FAM186A: variants seen among roughly 807,000 people sequenced by gnomAD.
FAM186A encodes the protein family with sequence similarity 186 member A, also known as protein FAM186A.
In FAM186A, 163 loss-of-function variants were observed where a neutral mutation model predicts 216.8. The ratio of observed to expected loss-of-function variants is 0.75; its 90% confidence interval spans 0.66 to 0.86. FAM186A has a LOEUF of 0.86. FAM186A is among the 40% of genes least tolerant of loss of function. The pLI is 0.00. For synonymous variants in FAM186A, 805 were observed against 1,025.3 expected (o/e 0.79, Z 4.10); for missense variants, 2,184 against 2,746.2 (o/e 0.80, Z 4.58).
chr12:50,381,141 C>G (rs1282101744), intron 1 of FAM186A, among the ~76,000 whole-genome samples: 1 of 152,212 alleles, frequency 6.6e-6, no homozygotes, highest in Non-Finnish European at 1.5e-5. Flanking sequence ...TAGGGAGTTT[C>G]TAGGTCTGGG....
intron 7 of FAM186A, 91 bp from the exon 8 acceptor site, chr12:50,327,495 C>T: frequency 1.1e-6 from 1 of 899,984 alleles, no homozygotes; most frequent in Non-Finnish European, 1.7e-6. Context: ...AATAAAAGTG[C>T]CTCCAGAACT....
Position 50,328,362 on chromosome 12 carries a change from C to T in FAM186A, c.7035-958G>A, listed in dbSNP as rs75690353. ...GCACTCTAGCCTGAATGACAGAGCA[C>T]GACCACGTCTCTAAAAACAAACAAA... On this transcript the variant is annotated intron_variant, in intron 7 of 7. Coordinates refer to ENST00000327337, the MANE Select transcript of FAM186A (RefSeq NM_001145475.3). 7.8e-3 allele frequency among the ~76,000 whole-genome samples: 1,180 copies of T among 152,142 alleles called. 13 individuals carry two copies. The highest frequency in any genetic ancestry group is 0.026 in the African/African-American group (1,081 of 41,506).
chr12:50,337,289 CTTTTTTT>C (rs71441358), intron 4 of FAM186A, among the ~76,000 whole-genome samples: 1 of 69,668 alleles, frequency 1.4e-5, no homozygotes, highest in Non-Finnish European at 2.7e-5. Context: ...AGAGATAATT[CTTTTTTT>C]TTTTTTTTTT....
intron 3 of FAM186A, among the ~76,000 whole-genome samples, chr12:50,357,924 G>A (rs1177807757): frequency 6.6e-6 from 1 of 152,060 alleles, no homozygotes; most frequent in Non-Finnish European, 1.5e-5. Flanking sequence ...ATTGCAGTGA[G>A]TCGAGATCAC....
intron 1 of FAM186A, among the ~76,000 whole-genome samples, chr12:50,367,431 T>C (rs539968060): frequency 2.7e-4 from 38 of 143,006 alleles, no homozygotes; most frequent in Admixed American, 1.6e-3. Context: ...GGCAGGAGAA[T>C]GGCGTGAACC....
intron 1 of FAM186A, among the ~76,000 whole-genome samples, chr12:50,379,188 C>T (rs887441227): frequency 6.6e-6 from 1 of 152,074 alleles, no homozygotes; most frequent in Non-Finnish European, 1.5e-5. Flanking sequence ...CGCCTGTAAT[C>T]CCAGCACTTT....
At chr12:50,392,159 G>C (rs1250283194) in intron 1 of FAM186A, among the ~76,000 whole-genome samples, 1 of 149,860 alleles carries the variant, frequency 6.7e-6, no homozygotes, top group Non-Finnish European at 1.5e-5. Context: ...GGGGGGCAGG[G>C]AACAGCATGT....
intron 4 of FAM186A, among the ~76,000 whole-genome samples, chr12:50,347,674 A>G (rs527296024): frequency 1.0e-5 from 1 of 96,068 alleles, no homozygotes; most frequent in East Asian, 3.7e-4. Context: ...GGGAGACTCC[A>G]TCTCAAAAAA....
At chr12:50,384,057 G>T (rs1424490760) in intron 1 of FAM186A, among the ~76,000 whole-genome samples, 1 of 152,070 alleles carries the variant, frequency 6.6e-6, no homozygotes, top group Non-Finnish European at 1.5e-5. Context: ...TGTGGAGGTT[G>T]CAGTGAGTTG....
At chr12:50,329,933 A>C (rs1047429369) in intron 7 of FAM186A, among the ~76,000 whole-genome samples, 1 of 152,214 alleles carries the variant, frequency 6.6e-6, no homozygotes, top group Non-Finnish European at 1.5e-5. Context: ...GATTTCACCA[A>C]AATAAATCAG....
intron 4 of FAM186A, among the ~76,000 whole-genome samples, chr12:50,335,253 A>G (rs986136016): frequency 1.3e-5 from 2 of 152,156 alleles, no homozygotes; most frequent in Admixed American, 6.6e-5. Flanking sequence ...CAAGACTCCA[A>G]CTCTTAAAAA....
chr12:50,365,970 A>G, intron 1 of FAM186A: 1 of 767,342 alleles, frequency 1.3e-6, no homozygotes, highest in Non-Finnish European at 2.4e-6. Context: ...GGTGGGTATC[A>G]CTAGGCTAAA....
Position 50,351,929 on chromosome 12 carries a change from G to A in FAM186A, c.4903C>T (p.Gln1635Ter). 3 of 1,530,414 alleles carry A rather than the reference G, an allele frequency of 2.0e-6. No individual in the cohort carries two copies. The African/African-American group carries it at 4.2e-5, about 22-fold the overall frequency. The allele number at this position is 1,530,414 out of a possible 1,614,324, so 94.8% of individuals were successfully genotyped here. ...ISLTPQQAQAQGITLTPQQAQ... is the reference protein window; with the variant it reads ...ISLTPQQAQA ...TGCTGAGGGGTGAGAGTGATCCCCTGAGCCTGCGCCTGCTGAGGGGTGAGA... is the reference window on the plus strand; with the variant it reads ...TGCTGAGGGGTGAGAGTGATCCCCTAAGCCTGCGCCTGCTGAGGGGTGAGA... The change falls in exon 4 of 8, where the codon CAG becomes TAG. Residue 1635 changes from glutamine (Q) to a stop codon, truncating the protein, a stop_gained. Transcript: ENST00000327337. LOFTEE classifies it high-confidence loss of function.
intron 1 of FAM186A, among the ~76,000 whole-genome samples, chr12:50,377,722 A>G (rs1592629229): frequency 6.6e-6 from 1 of 151,640 alleles, no homozygotes; most frequent in African/African-American, 2.4e-5. Context: ...AATCCCAGCT[A>G]CTTAGAAGGC....
intron 4 of FAM186A, among the ~76,000 whole-genome samples, chr12:50,340,313 G>C (rs1274258956): frequency 1.3e-5 from 2 of 152,154 alleles, no homozygotes; most frequent in Admixed American, 6.5e-5. Context: ...TCTCTGAGGA[G>C]ACTAGGTGCA....
chr12:50,351,359 G>A lies in FAM186A; in HGVS notation c.5473C>T (p.Leu1825Phe), dbSNP rs371821511. 615 of 1,482,416 alleles carry A rather than the reference G, an allele frequency of 4.1e-4. 1 individual carries two copies. Among genetic ancestry groups the A allele is most frequent in the Non-Finnish European group, 5.3e-4 (596 of 1,118,514 alleles). 91.8% of individuals were successfully genotyped at this position (1,482,416 alleles called of 1,614,324 possible). A position where few individuals can be genotyped will look rare whatever the true frequency, so the allele number is the denominator to read the frequency against. The part of the protein sequence containing the change: ...APQAPPSPGQ[L>F]PISRAPPTPG... ...GTGGGAGGGGCCCGAGATATTGGGA[G>A]CTGCCCAGGGGAGGGAGGGGCCTGT... is the stretch of plus-strand genomic sequence containing the variant. The change falls in exon 4 of 8, where the codon CTC (leucine) becomes TTC (phenylalanine). Residue 1825 changes from leucine to phenylalanine, a missense_variant. By Grantham distance (22) the Leu-to-Phe change is conservative. Coordinates refer to ENST00000327337, the MANE Select transcript of FAM186A (RefSeq NM_001145475.3).
At chr12:50,373,048 A>G (rs546536927) in intron 1 of FAM186A, among the ~76,000 whole-genome samples, 43 of 150,234 alleles carry the variant, frequency 2.9e-4, no homozygotes, top group Non-Finnish European at 5.0e-4. Flanking sequence ...AGAAAGAAAG[A>G]AAGAAAGAAA....
At chr12:50,327,706 TG>T (rs1479985503) in intron 7 of FAM186A, among the ~76,000 whole-genome samples, 1 of 152,052 alleles carries the variant, frequency 6.6e-6, no homozygotes, top group Non-Finnish European at 1.5e-5. Context: ...CACACCTGGC[TG>T]TTTTTTTTGT....
chr12:50,340,799 ATT>A (rs11343486), intron 4 of FAM186A, among the ~76,000 whole-genome samples: 2,726 of 137,536 alleles, frequency 0.02, 67 homozygotes, highest in African/African-American at 0.061. Flanking sequence ...ATCTTTTCTA[ATT>A]TTTTTTTTTT....
Sources: allele counts gnomAD v4.1 joint callset (sites outside exome capture counted in the v4.1 genomes callset), GRCh38; gene constraint gnomAD v4.1.1; transcripts MANE v1.5; gene names NCBI Gene and HGNC (gene_info 2026-07-23, HGNC 2026-07-21).